Variants in CLIC5 observed in about 807,000 individuals in gnomAD.
CLIC5 encodes the protein CLIC family member 5, also known as chloride intracellular channel protein 5.
CLIC5 carries 20 observed loss-of-function variants against 24.7 expected under a neutral mutation model. The ratio of observed to expected loss-of-function variants is 0.81; its 90% CI spans 0.57 to 1.18. The LOEUF (loss-of-function observed/expected upper bound fraction) is 1.18. CLIC5 is among the 50% of genes most tolerant of loss of function. The pLI is 0.00. For missense variants in CLIC5, 341 were observed against 326.1 expected, an observed-to-expected ratio of 1.05 and a Z score of -0.35; for synonymous variants, 159 against 135.6, an observed-to-expected ratio of 1.17 and a Z score of -1.20.
At chr6:46,127,745 C>A in the CLIC5 span, among the ~76,000 whole-genome samples, 1 of 152,152 alleles carries the variant, frequency 6.6e-6, no homozygotes, top group Non-Finnish European at 1.5e-5. Flanking sequence ...CATTGGTCTA[C>A]AGGTAACCAT....
At chr6:45,994,525 G>A (rs1220351603) in intron 1 of CLIC5, among the ~76,000 whole-genome samples, 1 of 152,080 alleles carries the variant, frequency 6.6e-6, no homozygotes, top group African/African-American at 2.4e-5. Flanking sequence ...TTCAGAGGAT[G>A]GGTCAATAGT....
upstream of CLIC5, among the ~76,000 whole-genome samples, chr6:46,016,104 G>A (rs536593576): frequency 3.4e-4 from 51 of 148,256 alleles, no homozygotes; most frequent in African/African-American, 1.2e-3. Context: ...AAGGGGAAGG[G>A]GAAGAGGAAG....
rs1762449395 is a variant in CLIC5, at chr6:45,899,261, C to T, written c.*3827G>A. On this transcript the variant is annotated 3_prime_UTR_variant, in exon 6 of 6. Transcript: ENST00000339561. ...TGCACATGTCTTTCTCTGATGCTTT[C>T]TTAAGATTCTCCTTAATGTCATTTA... 6.6e-6 allele frequency: 1 copy of T among 152,190 alleles called. No individual in the cohort carries two copies. The highest frequency in any genetic ancestry group is 1.5e-5 in the Non-Finnish European group (1 of 68,034). The allele number at this position is 152,190 out of a possible 1,614,324, so 9.4% of individuals were successfully genotyped here.
intron 4 of CLIC5, among the ~76,000 whole-genome samples, chr6:45,924,432 T>G (rs1405089314): frequency 6.6e-6 from 1 of 152,158 alleles, no homozygotes; most frequent in African/African-American, 2.4e-5. Context: ...CCAGCAAAAA[T>G]TACAGTTTGT....
chr6:46,029,176 G>A (rs76469676), intron 1 of CLIC5, among the ~76,000 whole-genome samples: 6,012 of 152,272 alleles, frequency 0.039, 168 homozygotes, highest in Non-Finnish European at 0.065. Flanking sequence ...TGAGCACAGT[G>A]CCTTACACAG....
chr6:46,013,276 G>A (rs1766870137), intron 1 of CLIC5, among the ~76,000 whole-genome samples: 1 of 152,180 alleles, frequency 6.6e-6, no homozygotes, highest in Admixed American at 6.5e-5. Flanking sequence ...TTCTTTTTAT[G>A]GGGAATCATG....
chr6:45,994,726 G>A, intron 1 of CLIC5, among the ~76,000 whole-genome samples: 1 of 152,272 alleles, frequency 6.6e-6, no homozygotes, highest in East Asian at 1.9e-4. Flanking sequence ...ACTGTGTACA[G>A]TGCCCACGGA....
downstream of CLIC5, among the ~76,000 whole-genome samples, chr6:45,893,733 G>C (rs1762371636): frequency 6.6e-6 from 1 of 152,158 alleles, no homozygotes; most frequent in Admixed American, 6.5e-5. Flanking sequence ...CTGTAAGTCA[G>C]AGAGAACTCC....
the CLIC5 span, among the ~76,000 whole-genome samples, chr6:46,095,459 C>T: frequency 7.2e-5 from 11 of 152,182 alleles, no homozygotes; most frequent in Non-Finnish European, 1.5e-4. Context: ...TTGTTAGAAG[C>T]AGCCAGGTCA....
chr6:46,006,221 T>G (rs933825267), intron 1 of CLIC5, among the ~76,000 whole-genome samples: 1 of 148,026 alleles, frequency 6.8e-6, no homozygotes, highest in Admixed American at 6.8e-5. Flanking sequence ...CTTGGCCCAC[T>G]GCAGCCTCCG....
chr6:46,125,127 CAT>C, the CLIC5 span, among the ~76,000 whole-genome samples: 299 of 152,310 alleles, frequency 2.0e-3, no homozygotes, highest in Non-Finnish European at 3.8e-3. Flanking sequence ...CAAAAGCACA[CAT>C]ATGTTTATTG....
the CLIC5 span, among the ~76,000 whole-genome samples, chr6:46,112,105 A>G: frequency 1.3e-5 from 2 of 152,174 alleles, no homozygotes; most frequent in African/African-American, 4.8e-5. Context: ...AAAATATTTC[A>G]TCCTAAAATA....
chr6:46,059,416 T>C (rs1762174256), intron 1 of CLIC5, among the ~76,000 whole-genome samples: 1 of 152,270 alleles, frequency 6.6e-6, no homozygotes, highest in Non-Finnish European at 1.5e-5. Flanking sequence ...GGAAACTTGC[T>C]ATTGTTGCTG....
In CLIC5 at chr6:46,076,195, G is replaced by A. The variant is rs1390223100; in HGVS notation, c.540+3508C>T. ...AAGGACTGCTGTGATCATGGTCTGT[G>A]CCTCTGCACCTCTCCAGCCTCATCT... is the stretch of plus-strand genomic sequence containing the variant. On this transcript the variant is annotated intron_variant, in intron 1 of 5. Transcript: ENST00000185206. 2.0e-5 allele frequency among the ~76,000 whole-genome samples: 3 copies of A among 152,128 alleles called. No individual in the cohort carries two copies. The East Asian group carries it at 5.8e-4, about 29-fold the overall frequency.
At chr6:45,949,858 T>TC in intron 2 of CLIC5, among the ~76,000 whole-genome samples, 1 of 152,220 alleles carries the variant, frequency 6.6e-6, no homozygotes, top group Admixed American at 6.5e-5. Flanking sequence ...GGCCATTTGT[T>TC]CAAGTTAGAT....
the CLIC5 span, among the ~76,000 whole-genome samples, chr6:46,125,711 G>A: frequency 9.9e-5 from 15 of 152,132 alleles, no homozygotes; most frequent in African/African-American, 3.4e-4. Context: ...ATGTCATCAC[G>A]TGTTGGACTC....
At chr6:46,029,779 T>C (rs1285635114) in intron 1 of CLIC5, among the ~76,000 whole-genome samples, 5 of 152,184 alleles carry the variant, frequency 3.3e-5, no homozygotes, top group Admixed American at 6.5e-5. Flanking sequence ...GGCTGCAGAA[T>C]TGACATCTTT....
At chr6:46,067,060 T>C (rs773491474) in intron 1 of CLIC5, among the ~76,000 whole-genome samples, 5 of 152,156 alleles carry the variant, frequency 3.3e-5, no homozygotes, top group Non-Finnish European at 7.4e-5. Flanking sequence ...TTGATCATGT[T>C]GGCAATAGGG....
intron 3 of CLIC5, among the ~76,000 whole-genome samples, chr6:45,947,346 G>C (rs1294564141): frequency 6.6e-6 from 1 of 152,104 alleles, no homozygotes; most frequent in Non-Finnish European, 1.5e-5. Context: ...GAAGGGCTCT[G>C]GGAGATATCC....
Sources: gnomAD v4.1 joint callset for allele counts (sites outside exome capture counted in the v4.1 genomes callset) on GRCh38, gnomAD v4.1.1 for gene constraint, MANE v1.5 for transcripts, NCBI Gene and HGNC (gene_info 2026-07-23, HGNC 2026-07-21) for gene names.